Variants in HDAC9 observed in about 807,000 individuals in gnomAD.
HDAC9 encodes the protein histone deacetylase 9, also known as MEF-2 interacting transcription repressor (MITR) protein.
Under a neutral mutation model 139.4 loss-of-function variants are expected in HDAC9, and 41 were observed. The ratio of observed to expected loss-of-function variants is 0.29; its 90% confidence interval spans 0.23 to 0.38. The LOEUF (loss-of-function observed/expected upper bound fraction) is 0.38, where lower values mean the gene tolerates loss of function less well. Ranked by LOEUF, HDAC9 falls within the 10% of genes least tolerant of loss-of-function variation. The pLI, the probability that HDAC9 is intolerant of heterozygous loss-of-function variation, is 1.00. For synonymous variants in HDAC9, 517 were observed against 476.2 expected (o/e 1.09, Z -1.12); for missense variants, 1,147 against 1,297.0 (o/e 0.88, Z 1.78).
At position 18,315,311 on chromosome 7, in the gene HDAC9, T is replaced by G. The variant is rs147959224; in HGVS notation, c.-42+24796T>G. 2.8e-3 allele frequency among the ~76,000 whole-genome samples: 422 copies of G among 152,278 alleles called. 2 individuals carry two copies. Among genetic ancestry groups the G allele is most frequent in the African/African-American group, 9.3e-3 (388 of 41,566 alleles). Reference sequence around the variant, plus strand: ...AATTCCTTTAGTCCTTAACATCTCATGAGGTGGGCATGTTATGATCGTCCC... The same window carrying G: ...AATTCCTTTAGTCCTTAACATCTCAGGAGGTGGGCATGTTATGATCGTCCC... On this transcript the variant is annotated intron_variant, in intron 1 of 3. Coordinates refer to the HDAC9 transcript ENST00000413509.
At chr7:18,334,171 T>C (rs2075299822) in intron 1 of HDAC9, among the ~76,000 whole-genome samples, 1 of 151,458 alleles carries the variant, frequency 6.6e-6, no homozygotes, top group Admixed American at 6.6e-5. Flanking sequence ...ATGACTGTTT[T>C]TGAAGGTCTC....
intron 2 of HDAC9, among the ~76,000 whole-genome samples, chr7:18,283,375 C>T (rs1274553434): frequency 6.6e-6 from 1 of 152,138 alleles, no homozygotes. Context: ...CCAGGCCCCT[C>T]CACCAATATG....
intron 1 of HDAC9, among the ~76,000 whole-genome samples, chr7:18,451,004 T>C (rs1212369992): frequency 6.6e-6 from 1 of 152,144 alleles, no homozygotes; most frequent in Non-Finnish European, 1.5e-5. Flanking sequence ...CGCTGTGGTC[T>C]GAAAGTTTGT....
chr7:18,542,033 C>T (rs545887500), intron 2 of HDAC9, among the ~76,000 whole-genome samples: 1 of 152,230 alleles, frequency 6.6e-6, no homozygotes, highest in Admixed American at 6.5e-5. Context: ...GGATGTTTAG[C>T]AGCGTCTCTG....
chr7:18,207,415 A>C (rs1791601591), intron 2 of HDAC9, among the ~76,000 whole-genome samples: 1 of 151,656 alleles, frequency 6.6e-6, no homozygotes, highest in Admixed American at 6.6e-5. Flanking sequence ...TTATTTATTT[A>C]TTTTTAATAA....
chr7:18,472,607 C>T (rs1417892614), intron 1 of HDAC9, among the ~76,000 whole-genome samples: 4 of 152,146 alleles, frequency 2.6e-5, no homozygotes, highest in African/African-American at 4.8e-5. Context: ...CTGCGTGAAG[C>T]GGGCCTTCCT....
Position 18,880,851 on chromosome 7 carries a change from G to A in HDAC9, c.2803+6255G>A, listed in dbSNP as rs879425097. 2.0e-5 allele frequency among the ~76,000 whole-genome samples: 3 copies of A among 149,934 alleles called. No individual in the cohort carries two copies. In the East Asian group the frequency reaches 6.1e-4, roughly 30 times the overall value. On this transcript the variant is annotated intron_variant, in intron 22 of 25. Coordinates refer to ENST00000686413, the MANE Select transcript of HDAC9 (RefSeq NM_178425.4). Reference sequence around the variant, plus strand: ...GAATAGTTAATAGTTGCCGGGGGGGGGGGAACCAAATAACAAAGCTTAGCA... The same window carrying A: ...GAATAGTTAATAGTTGCCGGGGGGGAGGGAACCAAATAACAAAGCTTAGCA...
At chr7:18,389,224 A>T (rs4719534) in intron 1 of HDAC9, among the ~76,000 whole-genome samples, 82,934 of 152,116 alleles carry the variant, frequency 0.55, 25,177 homozygotes, top group Non-Finnish European at 0.67. Flanking sequence ...AATTCATTTC[A>T]AGTTGTCAAT....
intron 1 of HDAC9, among the ~76,000 whole-genome samples, chr7:18,123,430 A>T (rs1214646389): frequency 6.6e-6 from 1 of 152,218 alleles, no homozygotes. Context: ...CCATAGAAAC[A>T]ATGTTAGGTT....
intron 6 of HDAC9, among the ~76,000 whole-genome samples, chr7:18,614,521 G>C (rs145941570): frequency 2.0e-5 from 3 of 151,844 alleles, no homozygotes; most frequent in African/African-American, 7.2e-5. Context: ...CTTCCATAAT[G>C]CCTAGTGTAA....
chr7:18,816,388 G>A (rs1794564914), intron 17 of HDAC9, among the ~76,000 whole-genome samples: 1 of 152,152 alleles, frequency 6.6e-6, no homozygotes, highest in Non-Finnish European at 1.5e-5. Flanking sequence ...AACACATCAA[G>A]GATCCATAGT....
intron 12 of HDAC9, among the ~76,000 whole-genome samples, chr7:18,705,321 C>T (rs1210119074): frequency 6.6e-6 from 1 of 152,010 alleles, no homozygotes; most frequent in Non-Finnish European, 1.5e-5. Flanking sequence ...CTAGTAACAC[C>T]CTTCTTCCCT....
intron 6 of HDAC9, among the ~76,000 whole-genome samples, chr7:18,603,657 T>A (rs1182199416): frequency 6.6e-6 from 1 of 152,124 alleles, no homozygotes; most frequent in Non-Finnish European, 1.5e-5. Flanking sequence ...ATCCAGTATT[T>A]TGTTCCTATT....
rs574121033 is a variant in HDAC9, at chr7:18,141,812, T to G, written c.-96-20417T>G. 3.0e-4 allele frequency among the ~76,000 whole-genome samples: 46 copies of G among 152,292 alleles called. No individual in the cohort carries two copies. In the South Asian group the frequency reaches 7.3e-3, roughly 24 times the overall value. On this transcript the variant is annotated intron_variant, in intron 1 of 12. Coordinates refer to the HDAC9 transcript ENST00000417496. ...GCTGTCAATAAATTTGTTGAATTAT[T>G]TATTCATTTCATTTATTTATTTATT...
chr7:18,698,262 C>G (rs1166898117), intron 12 of HDAC9, among the ~76,000 whole-genome samples: 2 of 152,142 alleles, frequency 1.3e-5, no homozygotes, highest in African/African-American at 4.8e-5. Context: ...ATTCGTCATT[C>G]TTAATGCTCT....
chr7:18,822,682 C>G (rs1213683797), intron 17 of HDAC9, among the ~76,000 whole-genome samples: 1 of 152,154 alleles, frequency 6.6e-6, no homozygotes, highest in Non-Finnish European at 1.5e-5. Context: ...CATAGGTGAA[C>G]AGAGACCAGA....
intron 1 of HDAC9, among the ~76,000 whole-genome samples, chr7:18,363,312 C>T (rs1042316285): frequency 2.6e-5 from 4 of 151,932 alleles, no homozygotes; most frequent in African/African-American, 9.7e-5. Flanking sequence ...TTAGATACTT[C>T]TAAAGCTGAT....
At chr7:18,292,289 A>C (rs1797858364) in intron 1 of HDAC9, among the ~76,000 whole-genome samples, 1 of 152,086 alleles carries the variant, frequency 6.6e-6, no homozygotes, top group South Asian at 2.1e-4. Flanking sequence ...CCCAGCTCAT[A>C]AGGGACAGCC....
chr7:18,339,344 G>C (rs1204285524), intron 1 of HDAC9, among the ~76,000 whole-genome samples: 1 of 151,310 alleles, frequency 6.6e-6, no homozygotes, highest in Non-Finnish European at 1.5e-5. Context: ...GTTTCGTAAA[G>C]TGGAAGCTGA....
Sources: allele counts gnomAD v4.1 joint callset (sites outside exome capture counted in the v4.1 genomes callset), GRCh38; gene constraint gnomAD v4.1.1; transcripts MANE v1.5; gene names NCBI Gene and HGNC (gene_info 2026-07-23, HGNC 2026-07-21).